The following SYNPR variants were observed in gnomAD, a reference collection of about 807,000 sequenced individuals.
SYNPR encodes synaptoporin.
SYNPR carries 23 observed loss-of-function variants against 32.9 expected under a neutral mutation model. The ratio of observed to expected loss-of-function variants is 0.70; its 90% CI spans 0.50 to 0.99. The LOEUF is 0.99. Among genes scored for constraint, SYNPR ranks in the 50% least tolerant of loss-of-function variants. SYNPR has a pLI of 0.00. For missense variants in SYNPR, 318 were observed against 349.3 expected, an observed-to-expected ratio of 0.91 and a Z score of 0.71; for synonymous variants, 146 against 135.9, an observed-to-expected ratio of 1.07 and a Z score of -0.52.
rs201621503 is a variant in SYNPR, at chr3:63,476,014, G to A, written c.85-4818G>A. Among the ~76,000 whole-genome samples, 247 of 145,416 alleles carry A rather than the reference G, an allele frequency of 1.7e-3. No individual in the cohort carries two copies. In the Middle Eastern group the frequency reaches 0.017, roughly 10 times the overall value. On this transcript the variant is annotated intron_variant, in intron 2 of 5. Transcript: ENST00000478300. ...TCTAAATTCTTCCACCCCACCAAGC[G>A]TAAAAAGTGGAAGAAAGGTAGGGAG...
intron 1 of SYNPR, among the ~76,000 whole-genome samples, chr3:63,247,307 C>T (rs2086299869): frequency 6.6e-6 from 1 of 151,768 alleles, no homozygotes; most frequent in Admixed American, 6.6e-5. Context: ...TGCTTTTCCT[C>T]TATGAACCTT....
chr3:63,602,600 G>A (rs1328127607), intron 4 of SYNPR, among the ~76,000 whole-genome samples: 2 of 152,132 alleles, frequency 1.3e-5, no homozygotes, highest in East Asian at 1.9e-4. Context: ...TATTGAAGAG[G>A]GAGTTCTTTC....
chr3:63,315,070 C>A (rs2087026420), intron 2 of SYNPR, among the ~76,000 whole-genome samples: 1 of 152,004 alleles, frequency 6.6e-6, no homozygotes, highest in South Asian at 2.1e-4. Flanking sequence ...TTTCCGGTTT[C>A]TCTATACTGT....
intron 2 of SYNPR, among the ~76,000 whole-genome samples, chr3:63,293,727 T>C (rs547316768): frequency 6.6e-6 from 1 of 152,276 alleles, no homozygotes; most frequent in Admixed American, 6.5e-5. Context: ...TATTTGGTGT[T>C]CCTTGGCTTA....
chr3:63,286,304 AG>A (rs869136333), intron 2 of SYNPR, among the ~76,000 whole-genome samples: 1 of 118,958 alleles, frequency 8.4e-6, no homozygotes, highest in Non-Finnish European at 1.8e-5. Context: ...AGAGGTGTGA[AG>A]AGATACTTTT....
At chr3:63,499,631 C>G (rs572649747) in intron 3 of SYNPR, among the ~76,000 whole-genome samples, 1 of 152,238 alleles carries the variant, frequency 6.6e-6, no homozygotes, top group South Asian at 2.1e-4. Context: ...AACAAAGACA[C>G]CTTGAGAAAC....
chr3:63,254,251 T>C lies in SYNPR; in HGVS notation n.154+1665T>C, dbSNP rs1575576936. ...AGATAATGGGTGCAGCACAACAACATGGCACATGTATACATATGTAACAAA... is the reference window on the plus strand; with the variant it reads ...AGATAATGGGTGCAGCACAACAACACGGCACATGTATACATATGTAACAAA... On this transcript the variant is annotated intron_variant and non_coding_transcript_variant, in intron 2 of 4. Transcript: ENST00000478456. 2.0e-5 allele frequency among the ~76,000 whole-genome samples: 3 copies of C among 152,216 alleles called. 1 individual carries two copies. The South Asian group carries it at 6.2e-4, about 32-fold the overall frequency.
At chr3:63,612,740 T>C (rs1204269528) in intron 5 of SYNPR, among the ~76,000 whole-genome samples, 4 of 152,160 alleles carry the variant, frequency 2.6e-5, no homozygotes, top group Non-Finnish European at 4.4e-5. Context: ...AGCATTTCCT[T>C]GATGTCTAAG....
chr3:63,561,663 C>T (rs975708761), intron 4 of SYNPR, among the ~76,000 whole-genome samples: 1 of 152,116 alleles, frequency 6.6e-6, no homozygotes, highest in Admixed American at 6.5e-5. Flanking sequence ...ATGCATCTGT[C>T]GTACTAGAAC....
chr3:63,232,355 C>G (rs1006643711), intron 1 of SYNPR, among the ~76,000 whole-genome samples: 3 of 151,802 alleles, frequency 2.0e-5, no homozygotes, highest in African/African-American at 7.3e-5. Flanking sequence ...GTATGCACCA[C>G]CAGGCCCGGT....
chr3:63,527,401 G>A (rs573624534), intron 3 of SYNPR, among the ~76,000 whole-genome samples: 7 of 151,780 alleles, frequency 4.6e-5, no homozygotes, highest in African/African-American at 1.7e-4. Flanking sequence ...AATTCAGAAA[G>A]CACTGTCCTG....
At chr3:63,224,003 C>T (rs140279489), upstream of SYNPR, among the ~76,000 whole-genome samples, 1 of 152,294 alleles carries the variant, frequency 6.6e-6, no homozygotes, top group East Asian at 1.9e-4. Flanking sequence ...AAGATATAGT[C>T]CTTGCCCTTA....
chr3:63,502,897 C>T (rs1701509866), intron 3 of SYNPR, among the ~76,000 whole-genome samples: 1 of 152,088 alleles, frequency 6.6e-6, no homozygotes, highest in South Asian at 2.1e-4. Context: ...TAAGTTGCTT[C>T]CGAGTCTCTA....
intron 1 of SYNPR, among the ~76,000 whole-genome samples, chr3:63,241,918 C>T (rs755399289): frequency 6.6e-6 from 1 of 152,000 alleles, no homozygotes; most frequent in Non-Finnish European, 1.5e-5. Context: ...GATTCATAAT[C>T]AGCTAAAAGT....
At position 63,400,194 on chromosome 3, in the gene SYNPR, A is replaced by G. The variant is rs552237736; in HGVS notation, c.85-80638A>G. The stretch of plus-strand genomic sequence containing the variant: ...GGATACATGGGCTTTTCTACTTCTT[A>G]TCTTCTTAGTGAGGTACGCCATGTT... On this transcript the variant is annotated intron_variant, in intron 2 of 5. Coordinates refer to ENST00000478300, the MANE Select transcript of SYNPR (RefSeq NM_001130003.2). Among the ~76,000 whole-genome samples the G allele has an allele frequency of 5.9e-5, 9 of 152,346 alleles. No homozygotes were observed. In the East Asian group the frequency reaches 1.7e-3, roughly 29 times the overall value.
intron 4 of SYNPR, among the ~76,000 whole-genome samples, chr3:63,606,413 C>CTTTATTTTTTTTTTTTTTTTT: frequency 1.6e-5 from 1 of 63,484 alleles, no homozygotes; most frequent in Non-Finnish European, 3.8e-5. Context: ...ACCTCAAATC[C>CTTTATTTTTTTTTTTTTTTTT]TTTCTTTTTT....
chr3:63,238,604 G>A (rs2086215763), intron 1 of SYNPR, among the ~76,000 whole-genome samples: 1 of 152,108 alleles, frequency 6.6e-6, no homozygotes, highest in Admixed American at 6.5e-5. Flanking sequence ...CTGTAAATAG[G>A]AAGCAAATTT....
chr3:63,560,192 C>T (rs545520727), intron 4 of SYNPR, among the ~76,000 whole-genome samples: 1 of 152,256 alleles, frequency 6.6e-6, no homozygotes, highest in Admixed American at 6.5e-5. Flanking sequence ...CTAGATGAAA[C>T]TTCTTTAATA....
intron 1 of SYNPR, among the ~76,000 whole-genome samples, chr3:63,240,577 G>C (rs1043304609): frequency 1.4e-4 from 21 of 152,018 alleles, no homozygotes; most frequent in African/African-American, 5.1e-4. Context: ...GTAAGCGAGA[G>C]GATTGATAAA....
Sources: gnomAD v4.1 joint callset for allele counts (sites outside exome capture counted in the v4.1 genomes callset) on GRCh38, gnomAD v4.1.1 for gene constraint, MANE v1.5 for transcripts, NCBI Gene and HGNC (gene_info 2026-07-23, HGNC 2026-07-21) for gene names.